The following LRRC32 variants were observed in gnomAD, a reference collection of about 807,000 sequenced individuals.
The protein encoded by LRRC32 is leucine rich repeat containing 32, also known as transforming growth factor beta activator LRRC32.
LRRC32 carries 5 observed loss-of-function variants against 15.0 expected under a neutral mutation model. The observed-to-expected ratio is 0.33, with a 90% CI of 0.17 to 0.70. LRRC32 has a LOEUF of 0.70. Ranked by LOEUF, LRRC32 falls within the 30% of genes least tolerant of loss-of-function variation. The pLI is 0.66. For synonymous variants in LRRC32, 391 were observed against 403.9 expected (o/e 0.97, Z 0.38); for missense variants, 803 against 854.2 (o/e 0.94, Z 0.75).
intron 2 of LRRC32, among the ~76,000 whole-genome samples, chr11:76,665,305 G>A (rs1001986955): frequency 2.6e-5 from 4 of 152,196 alleles, no homozygotes; most frequent in Admixed American, 2.0e-4. Context: ...GGGGACCGCA[G>A]GAACCCAGAG....
chr11:76,661,527 G>C lies in LRRC32; in HGVS notation c.85-19C>G, dbSNP rs780316891. 2 of 1,566,620 alleles carry C rather than the reference G, an allele frequency of 1.3e-6. No homozygotes were observed. The highest frequency in any genetic ancestry group is 1.9e-5 in the Admixed American group (1 of 53,522). On this transcript the variant is annotated intron_variant, in intron 2 of 2. Coordinates refer to ENST00000260061, the MANE Select transcript of LRRC32 (RefSeq NM_001128922.2). ...TGTCCACCTGGGGAGGGGTAGGGTG[G>C]GGAGACAGCTGGCATAAGTGGGCAC...
At position 76,660,211 on chromosome 11, in the gene LRRC32, C is replaced by T. The variant is rs1565403374; in HGVS notation, c.1382G>A (p.Gly461Glu). Reference sequence around the variant, plus strand: ...AGTCAGTGGGGTGTGGAGGAAGGCCCCTGCCCTGAGCAGCTCTATCTCATT... The same window carrying T: ...AGTCAGTGGGGTGTGGAGGAAGGCCTCTGCCCTGAGCAGCTCTATCTCATT... ...VDNEIELLRA[G>E]AFLHTPLTEL... The change falls in exon 3 of 3, where the codon GGG becomes GAG. Residue 461 changes from glycine (G) to glutamate (E), a missense_variant. Physicochemically the swap from Gly to Glu is moderately conservative, Grantham distance 98 (BLOSUM62 -2). Transcript: ENST00000260061. The T allele has an allele frequency of 1.9e-6, 3 of 1,579,216 alleles. No individual in the cohort carries two copies. The highest frequency in any genetic ancestry group is 2.6e-6 in the Non-Finnish European group (3 of 1,164,228).
Position 76,658,875 on chromosome 11 carries a change from G to A in LRRC32, c.*729C>T, listed in dbSNP as rs1952457613. 1 of 153,162 alleles carries A rather than the reference G, an allele frequency of 6.5e-6. No homozygotes were observed. The allele number at this position is 153,162 out of a possible 1,614,324, so 9.5% of individuals were successfully genotyped here. The stretch of plus-strand genomic sequence containing the variant: ...AGAGTGCCAGGAAGGGAGAGGGCAA[G>A]TCCAGAGCAGGAGACGGAATGGTCC... On this transcript the variant is annotated 3_prime_UTR_variant, in exon 3 of 3. Transcript: ENST00000260061.
At chr11:76,666,025 A>G (rs1590771310) in intron 1 of LRRC32, 67 bp from the exon 2 acceptor site, 1 of 1,422,716 alleles carries the variant, frequency 7.0e-7, no homozygotes, top group Admixed American at 1.7e-5. Flanking sequence ...GCCAGCCCCC[A>G]CTCCCACCCA....
rs1952472779 is a variant in LRRC32, at chr11:76,659,575, C to G, written c.*29G>C. 5 of 1,601,426 alleles carry G rather than the reference C, an allele frequency of 3.1e-6. No individual in the cohort carries two copies. The highest frequency in any genetic ancestry group is 3.4e-6 in the Non-Finnish European group (4 of 1,172,474). ...ACTCTTCTCTGTACCTCAGGCTCCC[C>G]CACTGACCTAGAGTGTCTCCCGGCT... On this transcript the variant is annotated 3_prime_UTR_variant, in exon 3 of 3. Transcript: ENST00000260061.
chr11:76,666,074 G>A, intron 1 of LRRC32, 116 bp from the exon 2 acceptor site: 1 of 898,402 alleles, frequency 1.1e-6, no homozygotes, highest in South Asian at 1.5e-5. Flanking sequence ...AGCACGGCTG[G>A]AGCTGGAATA....
intron 1 of LRRC32, 97 bp from the exon 2 acceptor site, chr11:76,666,055 G>T: frequency 1.8e-6 from 2 of 1,090,750 alleles, no homozygotes; most frequent in South Asian, 1.3e-5. Flanking sequence ...TGCCCTCAGG[G>T]AACCCCAGAG....
chr11:76,665,659 TC>T (rs1952613355), intron 2 of LRRC32, among the ~76,000 whole-genome samples: 2 of 152,232 alleles, frequency 1.3e-5, no homozygotes, highest in Non-Finnish European at 2.9e-5. Context: ...CTCAGTCTCC[TC>T]CTTTGCAAAA....
At chr11:76,670,259 C>A (rs1952690318) in intron 1 of LRRC32, among the ~76,000 whole-genome samples, 1 of 152,232 alleles carries the variant, frequency 6.6e-6, no homozygotes. Flanking sequence ...TGGGCAGCCC[C>A]ACGCCTGGCT....
chr11:76,662,783 G>A (rs1052947701), intron 2 of LRRC32: 1 of 152,336 alleles, frequency 6.6e-6, no homozygotes, highest in African/African-American at 2.4e-5. Flanking sequence ...CTCTGACAAT[G>A]AGGCAGCTTG....
Position 76,659,453 on chromosome 11 carries a change from C to T in LRRC32, c.*151G>A. ...TGCAGCCCGGGAAGGGGGTCACCCA[C>T]TGATGCAGCAGGCGGCAGAGAAAGG... On this transcript the variant is annotated 3_prime_UTR_variant, in exon 3 of 3. Coordinates refer to ENST00000260061, the MANE Select transcript of LRRC32 (RefSeq NM_001128922.2). 1.2e-6 allele frequency: 1 copy of T among 855,522 alleles called. No individual in the cohort carries two copies. The highest frequency in any genetic ancestry group is 1.7e-5 in the African/African-American group (1 of 58,778). 53.0% of individuals were successfully genotyped at this position (855,522 alleles called of 1,614,324 possible).
In LRRC32 at chr11:76,665,875, T is replaced by C. The variant is rs1196876712; in HGVS notation, c.80A>G (p.Lys27Arg). The change falls in exon 2 of 3, where the codon AAG becomes AGG. Residue 27 changes from lysine to arginine, a missense_variant. Lys to Arg is a conservative substitution (Grantham distance 26). Transcript: ENST00000260061. ...TGTCTGGGCAGAGCATCTTACCATC[T>C]TACAGGGCACTTTGTCTTGGTGTTG... ...AAQHQDKVPC[K>R]MVDKKVSCQV... 1 of 1,614,032 alleles carries C rather than the reference T, an allele frequency of 6.2e-7. No individual in the cohort carries two copies. The highest frequency in any genetic ancestry group is 8.5e-7 in the Non-Finnish European group (1 of 1,179,924).
At chr11:76,666,013 C>T in intron 1 of LRRC32, 55 bp from the exon 2 acceptor site, 2 of 1,520,794 alleles carry the variant, frequency 1.3e-6, no homozygotes, top group Non-Finnish European at 1.8e-6. Flanking sequence ...CTCCTTCCCA[C>T]TGCCAGCCCC....
chr11:76,661,063 T>C lies in LRRC32; in HGVS notation c.530A>G (p.Gln177Arg), dbSNP rs1952518842. 1 of 1,614,234 alleles carries C rather than the reference T, an allele frequency of 6.2e-7. No individual in the cohort carries two copies. The highest frequency in any genetic ancestry group is 2.2e-5 in the East Asian group (1 of 44,884). ...HTFRDMPALEQLDLHSNVLMD... is the reference protein window; with the variant it reads ...HTFRDMPALERLDLHSNVLMD... ...CAGCACGTTGCTATGCAGGTCAAGC[T>C]GCTCCAGCGCAGGCATGTCCCGGAA... Residue 177 changes from glutamine (Q) to arginine (R), a missense_variant, in exon 3 of 3, where the codon CAG (glutamine) becomes CGG (arginine). Coordinates refer to ENST00000260061, the MANE Select transcript of LRRC32 (RefSeq NM_001128922.2).
Position 76,661,137 on chromosome 11 carries a change from A to G in LRRC32, c.456T>C (p.His152=). The G allele has an allele frequency of 6.2e-7, 1 of 1,613,804 alleles. No homozygotes were observed. Among genetic ancestry groups the G allele is most frequent in the East Asian group, 2.2e-5 (1 of 44,880 alleles). ...GACTGTTCTCCGCCAGTGAGAGGGTATGCAGGCTGGGTGCCTCCCCCAGCA... is the reference window on the plus strand; with the variant it reads ...GACTGTTCTCCGCCAGTGAGAGGGTGTGCAGGCTGGGTGCCTCCCCCAGCA... The part of the protein sequence containing the change: ...ERLLGEAPSL[H]TLSLAENSLT... The change falls in exon 3 of 3, where the codon CAT becomes CAC. Residue 152 remains histidine (H), a synonymous_variant. Transcript: ENST00000260061.
chr11:76,659,819 C>G lies in LRRC32; in HGVS notation c.1774G>C (p.Val592Leu). ...AAQLHQGRVD[V>L]DATQDLICRF... ...CAGATCAGGTCCTGGGTGGCGTCCA[C>G]GTCCACACGGCCCTGGTGCAGCTGG... The change falls in exon 3 of 3, where the codon GTG becomes CTG. Residue 592 changes from valine (V) to leucine (L), a missense_variant. By Grantham distance (32) the Val-to-Leu change is conservative. Coordinates refer to ENST00000260061, the MANE Select transcript of LRRC32 (RefSeq NM_001128922.2). 3 of 1,614,192 alleles carry G rather than the reference C, an allele frequency of 1.9e-6. No homozygotes were observed. Among genetic ancestry groups the G allele is most frequent in the Non-Finnish European group, 2.5e-6 (3 of 1,180,040 alleles).
At position 76,659,654 on chromosome 11, in the gene LRRC32, C is replaced by T. The variant is rs151020278; in HGVS notation, c.1939G>A (p.Ala647Thr). ...VSAILLTTLAACCCVRRQKFN... is the reference protein window; with the variant it reads ...VSAILLTTLATCCCVRRQKFN... ...TTCTGCCGGCGGACGCAGCAGCAGG[C>T]GGCCAGCGTGGTGAGGAGGATGGCA... The change falls in exon 3 of 3, where the codon GCC (alanine) becomes ACC (threonine). Residue 647 changes from alanine (A) to threonine (T), a missense_variant. Ala to Thr is a moderately conservative substitution (Grantham distance 58). Coordinates refer to ENST00000260061, the MANE Select transcript of LRRC32 (RefSeq NM_001128922.2). The T allele has an allele frequency of 2.5e-5, 40 of 1,614,018 alleles. No individual in the cohort carries two copies. Among genetic ancestry groups the T allele is most frequent in the African/African-American group, 1.3e-4 (10 of 74,908 alleles).
chr11:76,668,399 C>A (rs1278543204), intron 1 of LRRC32, among the ~76,000 whole-genome samples: 1 of 152,076 alleles, frequency 6.6e-6, no homozygotes, highest in African/African-American at 2.4e-5. Flanking sequence ...AATATAAAAT[C>A]ATCTGTCAGA....
rs377413680 is a variant in LRRC32 at position 76,660,297 on chromosome 11, G to C, written c.1296C>G (p.Gly432=). 30 of 1,593,350 alleles carry C rather than the reference G, an allele frequency of 1.9e-5. No homozygotes were observed. The African/African-American group carries it at 3.6e-4, about 19-fold the overall frequency. Reference sequence around the variant, plus strand: ...CGGAGAAGGCCACACAGCCGGAGGGGCCAGGCTCATCTGGCCCCCCACAGG... The same window carrying C: ...CGGAGAAGGCCACACAGCCGGAGGGCCCAGGCTCATCTGGCCCCCCACAGG... The part of the protein sequence containing the change: ...VSPCGGPDEP[G]PSGCVAFSGI... The change falls in exon 3 of 3, where the codon GGC becomes GGG. Residue 432 remains glycine (G), a synonymous_variant. Coordinates refer to ENST00000260061, the MANE Select transcript of LRRC32 (RefSeq NM_001128922.2).
Sources: allele counts gnomAD v4.1 joint callset (sites outside exome capture counted in the v4.1 genomes callset), GRCh38; gene constraint gnomAD v4.1.1; transcripts MANE v1.5; gene names NCBI Gene and HGNC (gene_info 2026-07-23, HGNC 2026-07-21).